The following PLA1A variants were observed in gnomAD, a reference collection of about 807,000 sequenced individuals.
The protein encoded by PLA1A is phospholipase A1 member A.
PLA1A carries 47 observed loss-of-function variants against 49.4 expected under a neutral mutation model. The ratio of observed to expected loss-of-function variants is 0.95; its 90% CI spans 0.75 to 1.21. The LOEUF is 1.21. PLA1A is among the 50% of genes most tolerant of loss of function. The probability of loss-of-function intolerance (pLI) is 0.00; values close to 1 mark genes in which losing one functional copy is unlikely to be tolerated. For missense variants in PLA1A, 561 were observed against 563.9 expected, an observed-to-expected ratio of 0.99 and a Z score of 0.05; for synonymous variants, 224 against 207.9, an observed-to-expected ratio of 1.08 and a Z score of -0.67.
intron 4 of PLA1A, 54 bp downstream of exon 4, chr3:119,609,630 CT>C: frequency 1.0e-6 from 1 of 976,502 alleles, no homozygotes; most frequent in East Asian, 2.4e-5. Context: ...AAAGCTTGCC[CT>C]GAAAATATCT....
At chr3:119,621,039 C>A (rs901531308) in intron 8 of PLA1A, among the ~76,000 whole-genome samples, 22 of 152,302 alleles carry the variant, frequency 1.4e-4, no homozygotes, top group Middle Eastern at 3.4e-3. Context: ...CAGCGCCACC[C>A]CATCTGAGTT....
At chr3:119,628,612 G>A (rs982879002) in intron 9 of PLA1A, 89 bp from the exon 10 acceptor site, 12 of 1,221,166 alleles carry the variant, frequency 9.8e-6, no homozygotes, top group South Asian at 4.1e-5. Context: ...GCCAACCAGT[G>A]CCACCAGCAG....
At chr3:119,611,400 C>T (rs1265051636) in intron 4 of PLA1A, among the ~76,000 whole-genome samples, 2 of 152,114 alleles carry the variant, frequency 1.3e-5, no homozygotes, top group Non-Finnish European at 2.9e-5. Context: ...CTGTAGATTG[C>T]TTTGGGCAAA....
intron 3 of PLA1A, 145 bp from the exon 4 acceptor site, chr3:119,609,323 G>A (rs1285068938): frequency 5.4e-6 from 4 of 740,724 alleles, no homozygotes; most frequent in Non-Finnish European, 9.9e-6. Flanking sequence ...AACAATGAGA[G>A]TGCTGTCCTT....
intron 4 of PLA1A, among the ~76,000 whole-genome samples, chr3:119,612,498 T>A (rs1259158881): frequency 6.6e-6 from 1 of 152,006 alleles, no homozygotes; most frequent in Non-Finnish European, 1.5e-5. Flanking sequence ...AGGTCATCTT[T>A]TTTTTTTTGA....
At position 119,623,094 on chromosome 3, in the gene PLA1A, G is replaced by A. The variant is rs139009149; in HGVS notation, c.1013-2030G>A. Reference sequence around the variant, plus strand: ...TCTGCCTGCCTTAGCCTCCCAAAGTGCTGGGATTACAGGCATGAGCCACTG... The same window carrying A: ...TCTGCCTGCCTTAGCCTCCCAAAGTACTGGGATTACAGGCATGAGCCACTG... On this transcript the variant is annotated intron_variant, in intron 8 of 10. Coordinates refer to ENST00000273371, the MANE Select transcript of PLA1A (RefSeq NM_015900.4). 4.4e-3 allele frequency among the ~76,000 whole-genome samples: 666 copies of A among 151,822 alleles called. 7 individuals are homozygous for A. The highest frequency in any genetic ancestry group is 0.015 in the African/African-American group (630 of 41,348).
chr3:119,615,030 A>T (rs950437262), intron 5 of PLA1A, among the ~76,000 whole-genome samples: 2 of 152,224 alleles, frequency 1.3e-5, no homozygotes, highest in Non-Finnish European at 2.9e-5. Context: ...GACTAGACTC[A>T]TGATGGGCTG....
At chr3:119,628,012 G>T (rs1016773208) in intron 9 of PLA1A, among the ~76,000 whole-genome samples, 5 of 152,126 alleles carry the variant, frequency 3.3e-5, no homozygotes, top group Admixed American at 2.0e-4. Flanking sequence ...GAATCTGGGG[G>T]GGCAAAGCCA....
rs1213658757 is a variant in PLA1A at position 119,608,761 on chromosome 3, C to T, written c.276-9C>T. ...TAATTTTTCCATTCTTTTTTGGCCC[C>T]CTGTCTAGGGTTTTAGGAACAAAGC... is the stretch of plus-strand genomic sequence containing the variant. On this transcript the variant is annotated splice_polypyrimidine_tract_variant and intron_variant, in intron 2 of 10. Transcript: ENST00000273371. The T allele has an allele frequency of 6.2e-7, 1 of 1,605,558 alleles. No individual in the cohort carries two copies. Among genetic ancestry groups the T allele is most frequent in the Non-Finnish European group, 8.5e-7 (1 of 1,174,278 alleles).
chr3:119,604,387 AAAG>A (rs970595417), intron 1 of PLA1A, among the ~76,000 whole-genome samples: 2 of 152,242 alleles, frequency 1.3e-5, no homozygotes, highest in African/African-American at 2.4e-5. Flanking sequence ...GAATAAAAAA[AAAG>A]AAGATGTGGT....
chr3:119,620,239 C>A, intron 8 of PLA1A: 1 of 438,954 alleles, frequency 2.3e-6, no homozygotes, highest in South Asian at 1.7e-5. Context: ...TGCATCTTAA[C>A]TAGGGTGACT....
At chr3:119,612,619 G>A (rs2082783612) in intron 4 of PLA1A, among the ~76,000 whole-genome samples, 1 of 151,980 alleles carries the variant, frequency 6.6e-6, no homozygotes, top group Non-Finnish European at 1.5e-5. Context: ...CTCCCGAGTC[G>A]CTGGAACTAC....
At chr3:119,602,920 A>G (rs2082637011) in intron 1 of PLA1A, among the ~76,000 whole-genome samples, 1 of 152,212 alleles carries the variant, frequency 6.6e-6, no homozygotes, top group African/African-American at 2.4e-5. Context: ...ATGTAGATAC[A>G]TAAGGGAAAT....
intron 1 of PLA1A, 100 bp downstream of exon 1, chr3:119,598,086 GCC>G: frequency 1.5e-6 from 1 of 673,992 alleles, no homozygotes; most frequent in Non-Finnish European, 2.5e-6. Flanking sequence ...TCCCCTAAAA[GCC>G]TTTTGCCTCT....
chr3:119,616,463 A>T (rs78810939), intron 6 of PLA1A, among the ~76,000 whole-genome samples: 3,339 of 152,354 alleles, frequency 0.022, 55 homozygotes, highest in Middle Eastern at 0.065. Context: ...ATCTTTTTGA[A>T]CACATTCAAT....
Position 119,625,107 on chromosome 3 carries a change from G to T in PLA1A, c.1013-17G>T. 6.5e-7 allele frequency: 1 copy of T among 1,541,696 alleles called. No individual in the cohort carries two copies. The highest frequency in any genetic ancestry group is 1.1e-5 in the South Asian group (1 of 89,528). On this transcript the variant is annotated splice_polypyrimidine_tract_variant and intron_variant, in intron 8 of 10. Coordinates refer to ENST00000273371, the MANE Select transcript of PLA1A (RefSeq NM_015900.4). ...TTCTGCCCTCTGGCCAGTCTCTGTT[G>T]TGCTTTGGTTTCCTAGTGCATCACA...
In PLA1A at chr3:119,629,499, T is replaced by TA. The variant is rs1440755786; in HGVS notation, c.*31_*32insA. ...CCTGGGCAGGACACATCTCCCTGCA[T>TA]TTTTTTTTTTTTTTTGAGAGAGAGG... On this transcript the variant is annotated 3_prime_UTR_variant, in exon 11 of 11. Coordinates refer to ENST00000273371, the MANE Select transcript of PLA1A (RefSeq NM_015900.4). 94 of 448,532 alleles carry TA rather than the reference T, an allele frequency of 2.1e-4. No homozygotes were observed. The highest frequency in any genetic ancestry group is 2.4e-4 in the Non-Finnish European group (72 of 295,346). 27.8% of individuals were successfully genotyped at this position (448,532 alleles called of 1,614,324 possible).
chr3:119,609,552 G>C lies in PLA1A; in HGVS notation c.538G>C (p.Gly180Arg). 1.2e-6 allele frequency: 2 copies of C among 1,604,434 alleles called. No individual in the cohort carries two copies. The highest frequency in any genetic ancestry group is 1.7e-6 in the Non-Finnish European group (2 of 1,171,460). Residue 180 changes from glycine to arginine, a missense_variant, in exon 4 of 11, where the codon GGA becomes CGA. Transcript: ENST00000273371. Reference sequence around the variant, plus strand: ...TGGGGGCATGGTGGGACAGCTCTTCGGAGGCCAGCTGGGACAGATCACAGG... The same window carrying C: ...TGGGGGCATGGTGGGACAGCTCTTCCGAGGCCAGCTGGGACAGATCACAGG... ...HVGGMVGQLFGGQLGQITGLD... is the reference protein window; with the variant it reads ...HVGGMVGQLFRGQLGQITGLD...
At chr3:119,606,363 T>C (rs2082688164) in intron 1 of PLA1A, among the ~76,000 whole-genome samples, 1 of 152,210 alleles carries the variant, frequency 6.6e-6, no homozygotes, top group Non-Finnish European at 1.5e-5. Context: ...AATAGTCATA[T>C]TGATTTAGAC....
Sources: gnomAD v4.1 joint callset for allele counts (sites outside exome capture counted in the v4.1 genomes callset) on GRCh38, gnomAD v4.1.1 for gene constraint, MANE v1.5 for transcripts, NCBI Gene and HGNC (gene_info 2026-07-23, HGNC 2026-07-21) for gene names.